The following THSD4 variants were observed in gnomAD, a reference collection of about 807,000 sequenced individuals.
THSD4 encodes the protein thrombospondin type 1 domain containing 4.
Under a neutral mutation model 119.0 loss-of-function variants are expected in THSD4, and 69 were observed. The ratio of observed to expected loss-of-function variants is 0.58; its 90% CI spans 0.48 to 0.71. THSD4 has a LOEUF of 0.71. Ranked by LOEUF, THSD4 falls within the 30% of genes least tolerant of loss-of-function variation. The pLI is 0.00. For missense variants in THSD4, 1,393 were observed against 1,391.1 expected, an observed-to-expected ratio of 1.00 and a Z score of -0.02; for synonymous variants, 524 against 540.4, an observed-to-expected ratio of 0.97 and a Z score of 0.42.
intron 6 of THSD4, among the ~76,000 whole-genome samples, chr15:71,409,081 C>A (rs541791685): frequency 6.6e-6 from 1 of 151,988 alleles, no homozygotes; most frequent in African/African-American, 2.4e-5. Flanking sequence ...AGAGTTAAGG[C>A]CATTCCTCTG....
chr15:71,628,981 G>A (rs550662262), intron 7 of THSD4, among the ~76,000 whole-genome samples: 15 of 152,296 alleles, frequency 9.8e-5, no homozygotes, highest in East Asian at 1.9e-4. Context: ...CTTGCGATGC[G>A]AAGATAAACA....
At position 71,748,470 on chromosome 15, in the gene THSD4, TGA is replaced by T. The variant is rs1389783112; in HGVS notation, c.2293_2294del (p.Ser765GlnfsTer7). On this transcript the variant is annotated frameshift_variant, in exon 14 of 18. Coordinates refer to ENST00000261862, the MANE Select transcript of THSD4 (RefSeq NM_024817.3). LOFTEE classifies it high-confidence loss of function. ...CAGAGGACCCGTGATGTGAAGTGTG[TGA>T]GCAACATTGGGGATGTGGTTGACGA... The T allele has an allele frequency of 6.2e-7, 1 of 1,614,076 alleles. No homozygotes were observed.
chr15:71,177,766 C>G (rs1392125921), intron 3 of THSD4, among the ~76,000 whole-genome samples: 1 of 137,636 alleles, frequency 7.3e-6, no homozygotes, highest in Admixed American at 7.4e-5. Context: ...CCGAATCCAG[C>G]AGCACATCAA....
At chr15:71,213,966 G>A (rs1053348416) in intron 3 of THSD4, among the ~76,000 whole-genome samples, 3 of 152,194 alleles carry the variant, frequency 2.0e-5, no homozygotes, top group South Asian at 4.1e-4. Flanking sequence ...GAGAGGTGAA[G>A]CCAGGGGGAC....
chr15:71,470,736 C>T (rs1009825828), intron 7 of THSD4, among the ~76,000 whole-genome samples: 7 of 151,798 alleles, frequency 4.6e-5, no homozygotes, highest in African/African-American at 9.7e-5. Context: ...CCCGGGTTCA[C>T]GCCATTCTCC....
Position 71,758,061 on chromosome 15 carries a change from G to T in THSD4, c.2575G>T (p.Gly859Trp), listed in dbSNP as rs759524945. Residue 859 changes from glycine to tryptophan, a missense_variant, in exon 15 of 18, where the codon GGG becomes TGG. By Grantham distance (184) the Gly-to-Trp change is radical. Coordinates refer to ENST00000261862, the MANE Select transcript of THSD4 (RefSeq NM_024817.3). The part of the protein sequence containing the change: ...PCTGKVEWFA[G>W]SWSQCSIECG... Reference sequence around the variant, plus strand: ...CACGGGCAAGGTGGAGTGGTTTGCCGGGAGCTGGAGTCAGGTGAGTGGCCA... The same window carrying T: ...CACGGGCAAGGTGGAGTGGTTTGCCTGGAGCTGGAGTCAGGTGAGTGGCCA... 8.8e-6 allele frequency: 14 copies of T among 1,583,516 alleles called. No homozygotes were observed. Among genetic ancestry groups the T allele is most frequent in the Non-Finnish European group, 1.1e-5 (13 of 1,164,032 alleles).
At chr15:71,776,448 T>A (rs1177340902) in intron 17 of THSD4, among the ~76,000 whole-genome samples, 2 of 152,234 alleles carry the variant, frequency 1.3e-5, no homozygotes, top group Non-Finnish European at 2.9e-5. Flanking sequence ...GAAGCTTGAA[T>A]GGCAAATATA....
chr15:71,265,084 T>A (rs1356301514), intron 6 of THSD4, among the ~76,000 whole-genome samples: 2 of 152,018 alleles, frequency 1.3e-5, no homozygotes, highest in East Asian at 3.9e-4. Context: ...CGATAGAAGC[T>A]GTATCTCAAC....
intron 11 of THSD4, among the ~76,000 whole-genome samples, chr15:71,743,625 T>C (rs1184354437): frequency 6.6e-6 from 1 of 152,250 alleles, no homozygotes; most frequent in East Asian, 1.9e-4. Context: ...CAGCCAATAA[T>C]TGTGCTTAAT....
intron 6 of THSD4, chr15:71,341,649 G>A (rs761727418): frequency 6.5e-7 from 1 of 1,529,672 alleles, no homozygotes; most frequent in Non-Finnish European, 9.1e-7. Context: ...TGAACACGAA[G>A]ATTGGAACCT....
At chr15:71,601,840 A>G (rs900794005) in intron 7 of THSD4, among the ~76,000 whole-genome samples, 1 of 152,240 alleles carries the variant, frequency 6.6e-6, no homozygotes, top group African/African-American at 2.4e-5. Flanking sequence ...GCAGCTCTGT[A>G]TGTGCCACAA....
chr15:71,235,223 C>G (rs1291697287), intron 4 of THSD4, among the ~76,000 whole-genome samples: 1 of 152,196 alleles, frequency 6.6e-6, no homozygotes, highest in Non-Finnish European at 1.5e-5. Flanking sequence ...TCAGATGCAG[C>G]ATCCTCACAT....
At chr15:71,745,004 G>A in intron 11 of THSD4, 102 bp from the exon 12 acceptor site, 1 of 1,453,256 alleles carries the variant, frequency 6.9e-7, no homozygotes, top group South Asian at 1.3e-5. Context: ...CACTGTTTCT[G>A]TGCCCTCTCT....
At chr15:71,481,583 T>G (rs1020232539) in intron 7 of THSD4, among the ~76,000 whole-genome samples, 4 of 152,214 alleles carry the variant, frequency 2.6e-5, no homozygotes, top group Non-Finnish European at 4.4e-5. Context: ...ACTCTCATTT[T>G]TCTCTTCCTT....
chr15:71,460,189 T>A (rs1029381011), intron 7 of THSD4, among the ~76,000 whole-genome samples: 3 of 152,112 alleles, frequency 2.0e-5, no homozygotes, highest in Non-Finnish European at 4.4e-5. Context: ...GGCTAAGAGG[T>A]TGAAAGCTAG....
In THSD4 at chr15:71,155,117, G is replaced by A. The variant is rs142177413; in HGVS notation, c.99+185G>A. ...GCTATAAAGAAATATCTGAAACTGG[G>A]GAATTTATAAAGAGGTTTTATTGGC... On this transcript the variant is annotated intron_variant, in intron 3 of 17. Transcript: ENST00000261862. Among the ~76,000 whole-genome samples the A allele has an allele frequency of 3.7e-3, 559 of 152,312 alleles. 3 individuals carry two copies. Among genetic ancestry groups the A allele is most frequent in the African/African-American group, 0.013 (537 of 41,568 alleles).
At chr15:71,746,737 A>G (rs1239251727) in intron 12 of THSD4, 101 bp from the exon 13 acceptor site, 25 of 1,259,698 alleles carry the variant, frequency 2.0e-5, no homozygotes, top group East Asian at 2.3e-5. Context: ...AACTCTACCC[A>G]TAGTGATTCT....
chr15:71,189,080 G>A (rs1422771909), intron 3 of THSD4: 2 of 152,236 alleles, frequency 1.3e-5, no homozygotes, highest in East Asian at 3.9e-4. Context: ...CACACCCTAA[G>A]CCAGCTGCTC....
At position 71,279,275 on chromosome 15, in the gene THSD4, AGTGTAATAGCTTTGGCCC is replaced by A. The variant is rs541799149; in HGVS notation, c.1015+22565_1015+22582del. Among the ~76,000 whole-genome samples the A allele has an allele frequency of 4.6e-3, 698 of 152,258 alleles. 9 individuals carry two copies. Among genetic ancestry groups the A allele is most frequent in the African/African-American group, 0.015 (605 of 41,546 alleles). On this transcript the variant is annotated intron_variant, in intron 6 of 17. Transcript: ENST00000261862. Reference sequence around the variant, plus strand: ...TACTTAAGGTTACGTAACAGCTCATAGTGTAATAGCTTTGGCCCGTGTCCAGTGAGCCTGTAGATATTG... The same window carrying A: ...TACTTAAGGTTACGTAACAGCTCATAGTGTCCAGTGAGCCTGTAGATATTG...
Sources: allele counts gnomAD v4.1 joint callset (sites outside exome capture counted in the v4.1 genomes callset), GRCh38; gene constraint gnomAD v4.1.1; transcripts MANE v1.5; gene names NCBI Gene and HGNC (gene_info 2026-07-23, HGNC 2026-07-21).